PATJ: variants seen among roughly 807,000 people sequenced by gnomAD.
PATJ encodes inaD-like protein.
Under a neutral mutation model 224.9 loss-of-function variants are expected in PATJ, and 190 were observed. That is an observed-to-expected ratio of 0.84 (90% CI 0.75 to 0.95). The LOEUF (loss-of-function observed/expected upper bound fraction) is 0.95. Ranked by LOEUF, PATJ falls within the 40% of genes least tolerant of loss-of-function variation. The pLI is 0.00. For synonymous variants in PATJ, 769 were observed against 820.3 expected (o/e 0.94, Z 1.07); for missense variants, 2,121 against 2,270.3 (o/e 0.93, Z 1.34).
intron 33 of PATJ, among the ~76,000 whole-genome samples, chr1:62,106,512 G>A (rs554987528): frequency 6.6e-6 from 1 of 151,938 alleles, no homozygotes; most frequent in South Asian, 2.1e-4. Flanking sequence ...AACAAGGTTT[G>A]GTGTGGGTGT....
intron 28 of PATJ, among the ~76,000 whole-genome samples, chr1:62,004,087 C>A (rs573681108): frequency 1.3e-5 from 2 of 152,214 alleles, no homozygotes; most frequent in Non-Finnish European, 2.9e-5. Flanking sequence ...AACTACCCAA[C>A]TCCAAGATGA....
intron 22 of PATJ, among the ~76,000 whole-genome samples, chr1:61,894,562 T>C (rs1670100049): frequency 6.6e-6 from 1 of 152,188 alleles, no homozygotes; most frequent in Non-Finnish European, 1.5e-5. Context: ...CCTGCCAACA[T>C]GTAAGATGTG....
intron 28 of PATJ, among the ~76,000 whole-genome samples, chr1:61,998,336 C>T (rs1365993092): frequency 6.6e-6 from 1 of 151,578 alleles, no homozygotes; most frequent in Non-Finnish European, 1.5e-5. Context: ...TGCCTGCCTC[C>T]GCCTCCCAAA....
chr1:61,870,108 T>TGGCTGAGTGTATCCGCTCA (rs1666109411), intron 20 of PATJ, among the ~76,000 whole-genome samples: 2 of 152,018 alleles, frequency 1.3e-5, no homozygotes, highest in Non-Finnish European at 2.9e-5. Context: ...TATCCACACT[T>TGGCTGAGTGTATCCGCTCA]GTGGCTCCTG....
At chr1:62,077,212 G>A (rs910834006) in intron 31 of PATJ, among the ~76,000 whole-genome samples, 3 of 152,122 alleles carry the variant, frequency 2.0e-5, no homozygotes, top group Non-Finnish European at 4.4e-5. Context: ...CCAGGACTTA[G>A]CCTGTTGGCA....
At chr1:61,871,782 T>C (rs1666662516) in intron 20 of PATJ, among the ~76,000 whole-genome samples, 2 of 151,308 alleles carry the variant, frequency 1.3e-5, no homozygotes, top group South Asian at 4.2e-4. Context: ...CAGGCTGGTC[T>C]CAAACTCCTG....
At chr1:61,952,196 T>C in intron 27 of PATJ, 1 of 487,736 alleles carries the variant, frequency 2.1e-6, no homozygotes, top group East Asian at 3.0e-5. Context: ...TTAGCTTAAT[T>C]GATTGCTTTT....
rs574621088 is a variant in PATJ, at chr1:62,161,262, T to C, written c.*208T>C. 4.4e-4 allele frequency: 178 copies of C among 401,152 alleles called. No individual in the cohort carries two copies. The highest frequency in any genetic ancestry group is 3.4e-3 in the African/African-American group (164 of 48,796). 24.8% of individuals were successfully genotyped at this position (401,152 alleles called of 1,614,324 possible). On this transcript the variant is annotated 3_prime_UTR_variant, in exon 44 of 44. Transcript: ENST00000642238. ...AATGTTTCCCAGTTCCTGTCACCTG[T>C]TGGCGAGGTTGATTTCTAAAACTTA...
intron 25 of PATJ, among the ~76,000 whole-genome samples, chr1:61,913,390 T>A (rs375988476): frequency 1.4e-4 from 22 of 152,208 alleles, no homozygotes; most frequent in African/African-American, 4.8e-4. Flanking sequence ...TAAATTTTTG[T>A]AGAGATGGAG....
intron 27 of PATJ, among the ~76,000 whole-genome samples, chr1:61,935,280 G>A (rs1676671533): frequency 6.6e-6 from 1 of 152,156 alleles, no homozygotes; most frequent in Non-Finnish European, 1.5e-5. Context: ...TAAGGACCTA[G>A]CAGAGATATG....
At chr1:61,956,705 C>T (rs921381139) in intron 27 of PATJ, among the ~76,000 whole-genome samples, 1 of 152,170 alleles carries the variant, frequency 6.6e-6, no homozygotes, top group African/African-American at 2.4e-5. Flanking sequence ...GGCTGTTTAT[C>T]TGTGCCACAT....
At chr1:62,131,189 C>T (rs545298792) in intron 41 of PATJ, among the ~76,000 whole-genome samples, 1 of 152,318 alleles carries the variant, frequency 6.6e-6, no homozygotes, top group African/African-American at 2.4e-5. Flanking sequence ...CTGGTCCTCA[C>T]TTTCAGTGGA....
intron 27 of PATJ, among the ~76,000 whole-genome samples, chr1:61,989,221 A>G (rs1453573360): frequency 6.6e-6 from 1 of 152,224 alleles, no homozygotes; most frequent in Non-Finnish European, 1.5e-5. Flanking sequence ...ATGGAATAAG[A>G]GAAGTATAGA....
chr1:62,158,210 A>C (rs1410862303), intron 43 of PATJ, among the ~76,000 whole-genome samples: 2 of 149,580 alleles, frequency 1.3e-5, no homozygotes, highest in Admixed American at 1.4e-4. Context: ...CCATGCATTT[A>C]TTTCTTTTTT....
At chr1:62,006,813 A>G (rs1384237815) in intron 28 of PATJ, among the ~76,000 whole-genome samples, 1 of 152,220 alleles carries the variant, frequency 6.6e-6, no homozygotes, top group African/African-American at 2.4e-5. Context: ...CCTTAATGGC[A>G]GGGATACATT....
At chr1:62,101,906 C>A (rs1394477563) in intron 33 of PATJ, among the ~76,000 whole-genome samples, 2 of 152,140 alleles carry the variant, frequency 1.3e-5, no homozygotes, top group African/African-American at 4.8e-5. Flanking sequence ...AGGCTGGGCA[C>A]AGTGACTTAC....
At chr1:61,894,272 C>CAAAACAAA (rs1557835356) in intron 22 of PATJ, among the ~76,000 whole-genome samples, 14 of 144,686 alleles carry the variant, frequency 9.7e-5, no homozygotes, top group Admixed American at 6.1e-4. Context: ...AAAAAAAACA[C>CAAAACAAA]AAAAAAAAAA....
intron 27 of PATJ, among the ~76,000 whole-genome samples, chr1:61,947,814 GTAC>G (rs1678994118): frequency 6.6e-6 from 1 of 152,044 alleles, no homozygotes; most frequent in Non-Finnish European, 1.5e-5. Flanking sequence ...ACTTCAAACT[GTAC>G]TACAAGGCTA....
chr1:61,859,806 G>C (rs924295306), intron 18 of PATJ, among the ~76,000 whole-genome samples: 9 of 152,136 alleles, frequency 5.9e-5, no homozygotes, highest in African/African-American at 1.9e-4. Context: ...TTTTAGTAGA[G>C]ACAGTGTTTC....
Sources: allele counts gnomAD v4.1 joint callset (sites outside exome capture counted in the v4.1 genomes callset), GRCh38; gene constraint gnomAD v4.1.1; transcripts MANE v1.5; gene names NCBI Gene and HGNC (gene_info 2026-07-23, HGNC 2026-07-21).